The following MCF2L2 variants were observed in gnomAD, a reference collection of about 807,000 sequenced individuals.
MCF2L2 encodes MCF.2 cell line derived transforming sequence-like 2.
Under a neutral mutation model 150.2 loss-of-function variants are expected in MCF2L2, and 102 were observed. That is an observed-to-expected ratio of 0.68 (90% CI 0.58 to 0.80). The LOEUF is 0.80. Among genes scored for constraint, MCF2L2 ranks in the 30% least tolerant of loss-of-function variants. The pLI, the probability that MCF2L2 is intolerant of heterozygous loss-of-function variation, is 0.00. For synonymous variants in MCF2L2, 465 were observed against 491.3 expected, an observed-to-expected ratio of 0.95 and a Z score of 0.71; for missense variants, 1,256 against 1,372.8, an observed-to-expected ratio of 0.91 and a Z score of 1.34.
rs1232849347 is a variant in MCF2L2, at chr3:183,318,053, T to C, written c.753+15A>G. 6.2e-7 allele frequency: 1 copy of C among 1,611,720 alleles called. No homozygotes were observed. Among genetic ancestry groups the C allele is most frequent in the African/African-American group, 1.3e-5 (1 of 74,964 alleles). On this transcript the variant is annotated intron_variant, in intron 7 of 29. Transcript: ENST00000328913. ...GGCACAGACACTGGCCTCTGAGAGG[T>C]CACTGACCGCTCACCTGCAGCTTGT...
At chr3:183,325,967 A>C (rs1348519058) in intron 5 of MCF2L2, among the ~76,000 whole-genome samples, 1 of 152,268 alleles carries the variant, frequency 6.6e-6, no homozygotes, top group Non-Finnish European at 1.5e-5. Context: ...TAACAAACTG[A>C]TTCTAAAATT....
intron 15 of MCF2L2, among the ~76,000 whole-genome samples, chr3:183,262,647 G>C (rs1006310970): frequency 1.3e-5 from 2 of 151,720 alleles, no homozygotes; most frequent in African/African-American, 4.9e-5. Context: ...CAGAAGGGGA[G>C]GAGGAGCTGA....
chr3:183,419,224 G>A (rs1334003059), intron 1 of MCF2L2, among the ~76,000 whole-genome samples: 2 of 152,178 alleles, frequency 1.3e-5, no homozygotes, highest in East Asian at 1.9e-4. Context: ...AGGACACCAT[G>A]TCACAAGGCT....
chr3:183,276,987 GATATTGTA>G (rs1321038947), intron 14 of MCF2L2, 30 bp from the exon 15 acceptor site: 1 of 1,413,590 alleles, frequency 7.1e-7, no homozygotes, highest in Non-Finnish European at 9.9e-7. Context: ...GGTAAGATTT[GATATTGTA>G]GGGACCTCCT....
At chr3:183,196,607 C>T (rs1350632022) in intron 25 of MCF2L2, among the ~76,000 whole-genome samples, 3 of 152,108 alleles carry the variant, frequency 2.0e-5, no homozygotes, top group Non-Finnish European at 4.4e-5. Flanking sequence ...TGTGGGCCCT[C>T]TCTAAATTCT....
chr3:183,386,490 G>C (rs991308829), intron 2 of MCF2L2, among the ~76,000 whole-genome samples: 45 of 152,230 alleles, frequency 3.0e-4, no homozygotes, highest in African/African-American at 1.0e-3. Flanking sequence ...ACCAGCCGTG[G>C]GAACACATGC....
In MCF2L2 at chr3:183,227,474, T is replaced by C. The variant is rs1245119999; in HGVS notation, c.2115+823A>G. 1 of 152,234 alleles carries C rather than the reference T, an allele frequency of 6.6e-6. No homozygotes were observed. The highest frequency in any genetic ancestry group is 1.5e-5 in the Non-Finnish European group (1 of 68,036). The allele number at this position is 152,234 out of a possible 1,614,324, so 9.4% of individuals were successfully genotyped here. On this transcript the variant is annotated intron_variant, in intron 18 of 29. Coordinates refer to ENST00000328913, the MANE Select transcript of MCF2L2 (RefSeq NM_015078.4). The surrounding 1 kb of genome is among the most constrained non-coding windows in gnomAD (Gnocchi z 4.0). ...AATTTTCGAATCATCCTCTATGTTG[T>C]AAAAAATAGAATGGAAAGAAAATGT...
At chr3:183,250,092 T>A (rs1000167968) in intron 15 of MCF2L2, among the ~76,000 whole-genome samples, 1 of 152,224 alleles carries the variant, frequency 6.6e-6, no homozygotes, top group African/African-American at 2.4e-5. Flanking sequence ...TACTACTGAC[T>A]GTTACTGACA....
intron 1 of MCF2L2, among the ~76,000 whole-genome samples, chr3:183,408,489 C>T (rs545820470): frequency 8.7e-4 from 133 of 152,316 alleles, no homozygotes; most frequent in African/African-American, 3.0e-3. Context: ...CCCCTAGGGA[C>T]CTATGGCCAT....
chr3:183,194,032 T>C (rs1025254598), intron 26 of MCF2L2, among the ~76,000 whole-genome samples: 2 of 152,022 alleles, frequency 1.3e-5, no homozygotes, highest in Admixed American at 1.3e-4. Flanking sequence ...CATGGTCTCA[T>C]AGGGAGAAAA....
intron 1 of MCF2L2, among the ~76,000 whole-genome samples, chr3:183,412,101 A>G (rs1163248925): frequency 6.6e-6 from 1 of 152,218 alleles, no homozygotes; most frequent in Non-Finnish European, 1.5e-5. Flanking sequence ...AAACCCAGAT[A>G]AACTACAAAA....
At chr3:183,414,634 G>A (rs781322005) in intron 1 of MCF2L2, among the ~76,000 whole-genome samples, 17 of 152,016 alleles carry the variant, frequency 1.1e-4, no homozygotes, top group Non-Finnish European at 1.9e-4. Flanking sequence ...AGTGTCTTCA[G>A]TGTGGAAGAT....
chr3:183,278,733 G>A (rs935367859), intron 14 of MCF2L2, among the ~76,000 whole-genome samples: 5 of 152,140 alleles, frequency 3.3e-5, no homozygotes, highest in African/African-American at 1.2e-4. Flanking sequence ...TTGATCTATT[G>A]TATGCAGGGT....
chr3:183,293,284 A>G (rs79217002), intron 13 of MCF2L2, among the ~76,000 whole-genome samples: 3,046 of 152,306 alleles, frequency 0.02, 60 homozygotes, highest in East Asian at 0.051. Flanking sequence ...ATTATAAAAG[A>G]GCTAATATAT....
At chr3:183,315,489 C>T (rs915617816) in intron 7 of MCF2L2, among the ~76,000 whole-genome samples, 5 of 152,178 alleles carry the variant, frequency 3.3e-5, no homozygotes, top group Admixed American at 6.5e-5. Flanking sequence ...ACTTGTCTTA[C>T]AGGTTGGATA....
Position 183,310,253 on chromosome 3 carries a change from G to A in MCF2L2, c.994-418C>T, listed in dbSNP as rs542256068. Among the ~76,000 whole-genome samples the A allele has an allele frequency of 3.3e-5, 5 of 152,208 alleles. No homozygotes were observed. In the South Asian group the frequency reaches 8.3e-4, roughly 25 times the overall value. ...GCAGTGGCTCACGCCTGTAATCCCA[G>A]CACTTTGGGAGACCGAGGCAGGTAG... On this transcript the variant is annotated intron_variant, in intron 9 of 29. Coordinates refer to ENST00000328913, the MANE Select transcript of MCF2L2 (RefSeq NM_015078.4).
intron 15 of MCF2L2, chr3:183,272,086 A>T: frequency 2.2e-6 from 2 of 891,594 alleles, no homozygotes; most frequent in Non-Finnish European, 2.7e-6. Context: ...TAAATATTTC[A>T]AACTTGAAAA....
chr3:183,259,585 G>A (rs1725397881), intron 15 of MCF2L2, among the ~76,000 whole-genome samples: 1 of 152,128 alleles, frequency 6.6e-6, no homozygotes, highest in African/African-American at 2.4e-5. Flanking sequence ...GAGAATGGCA[G>A]CTTTTCCAGG....
At chr3:183,201,108 G>A (rs1235515107) in intron 25 of MCF2L2, among the ~76,000 whole-genome samples, 3 of 152,184 alleles carry the variant, frequency 2.0e-5, no homozygotes, top group Admixed American at 1.3e-4. Context: ...GACAATGCAA[G>A]CTCTTTTTTG....
Sources: gnomAD v4.1 joint callset for allele counts (sites outside exome capture counted in the v4.1 genomes callset) on GRCh38, gnomAD v4.1.1 for gene constraint, Gnocchi (gnomAD v3.1) non-coding constraint, MANE v1.5 for transcripts, NCBI Gene and HGNC (gene_info 2026-07-23, HGNC 2026-07-21) for gene names.